The following NIPBL variants were observed in gnomAD, a reference collection of about 807,000 sequenced individuals.
NIPBL encodes the protein NIPBL cohesin loading factor.
Under a neutral mutation model 321.8 loss-of-function variants are expected in NIPBL, and 19 were observed. The ratio of observed to expected loss-of-function variants is 0.06; its 90% CI spans 0.04 to 0.09. The LOEUF (loss-of-function observed/expected upper bound fraction) is 0.09. NIPBL is among the 10% of genes least tolerant of loss of function. NIPBL has a pLI of 1.00. For missense variants in NIPBL, 2,210 were observed against 3,327.0 expected, an observed-to-expected ratio of 0.66 and a Z score of 8.26; for synonymous variants, 1,106 against 1,114.1, an observed-to-expected ratio of 0.99 and a Z score of 0.14.
At chr5:36,977,688 T>C (rs966957142) in intron 9 of NIPBL, among the ~76,000 whole-genome samples, 2 of 151,480 alleles carry the variant, frequency 1.3e-5, no homozygotes, top group African/African-American at 4.9e-5. Flanking sequence ...GATTTGGGCT[T>C]GTAGTGAACC....
chr5:37,024,163 T>C (rs536669597), intron 29 of NIPBL, among the ~76,000 whole-genome samples: 65 of 142,638 alleles, frequency 4.6e-4, no homozygotes, highest in African/African-American at 1.6e-3. Context: ...CAAAACTCCA[T>C]CCCAAAAAAA....
chr5:37,011,979 T>TAAGA (rs1748181224), intron 21 of NIPBL, among the ~76,000 whole-genome samples: 1 of 152,092 alleles, frequency 6.6e-6, no homozygotes, highest in African/African-American at 2.4e-5. Flanking sequence ...TTTCAGTTTA[T>TAAGA]AGCCCTACTT....
chr5:36,956,065 C>CAA (rs542704963), intron 3 of NIPBL, among the ~76,000 whole-genome samples: 25 of 105,016 alleles, frequency 2.4e-4, no homozygotes, highest in African/African-American at 7.1e-4. Flanking sequence ...ACTAAAAATA[C>CAA]AAAAAAAAAA....
intron 1 of NIPBL, among the ~76,000 whole-genome samples, chr5:36,918,884 C>G (rs1748693766): frequency 6.6e-6 from 1 of 152,158 alleles, no homozygotes; most frequent in South Asian, 2.1e-4. Context: ...CCCACTTGAT[C>G]ACGGTGGATA....
intron 1 of NIPBL, among the ~76,000 whole-genome samples, chr5:36,891,223 C>T (rs1746308195): frequency 6.6e-6 from 1 of 152,004 alleles, no homozygotes; most frequent in Non-Finnish European, 1.5e-5. Context: ...CAAGATAGCA[C>T]CACTGCACTC....
In NIPBL at chr5:37,058,920, A is replaced by G. The variant is rs1754376728; in HGVS notation, c.7440A>G (p.Arg2480=). The G allele has an allele frequency of 1.9e-6, 3 of 1,614,136 alleles. No individual in the cohort carries two copies. The highest frequency in any genetic ancestry group is 2.5e-6 in the Non-Finnish European group (3 of 1,180,022). The change falls in exon 44 of 47, where the codon AGA becomes AGG. Residue 2480 remains arginine, a synonymous_variant. Coordinates refer to ENST00000282516, the MANE Select transcript of NIPBL (RefSeq NM_133433.4). ...TGGTAAAGGACAAAAGGAAAGAGAG[A>G]AAATCATCACCTAGTAAGGAAAATG... is the stretch of plus-strand genomic sequence containing the variant. ...ESMVKDKRKE[R]KSSPSKENES...
chr5:36,948,778 G>GT (rs1268182833), intron 1 of NIPBL, among the ~76,000 whole-genome samples: 1 of 151,820 alleles, frequency 6.6e-6, no homozygotes, highest in Non-Finnish European at 1.5e-5. Context: ...CAAGAAGAAA[G>GT]TAAGAGTAAT....
intron 1 of NIPBL, among the ~76,000 whole-genome samples, chr5:36,880,215 A>G (rs756502654): frequency 6.6e-6 from 1 of 151,978 alleles, no homozygotes; most frequent in Non-Finnish European, 1.5e-5. Context: ...CTAATTTCAT[A>G]TTTAATTTTT....
intron 1 of NIPBL, among the ~76,000 whole-genome samples, chr5:36,916,035 T>C (rs1221563264): frequency 2.0e-5 from 3 of 152,236 alleles, no homozygotes; most frequent in Non-Finnish European, 4.4e-5. Flanking sequence ...ACAACATCAC[T>C]CATTGGAAAT....
At chr5:36,904,731 G>A (rs926562403) in intron 1 of NIPBL, among the ~76,000 whole-genome samples, 2 of 152,154 alleles carry the variant, frequency 1.3e-5, no homozygotes, top group African/African-American at 4.8e-5. Context: ...GTGAGCCATA[G>A]GTTGCCTATA....
At position 37,034,452 on chromosome 5, in the gene NIPBL, T is replaced by C. The variant is rs543909688; in HGVS notation, c.5863-1927T>C. ...CAGGAGGCATATACAAGAGTGCTTA[T>C]TGTACTAAAATTGGGATTAACCTAT... On this transcript the variant is annotated intron_variant, in intron 32 of 46. Transcript: ENST00000282516. Among the ~76,000 whole-genome samples, 18 of 152,294 alleles carry C rather than the reference T, an allele frequency of 1.2e-4. No individual in the cohort carries two copies. The East Asian group carries it at 3.5e-3, about 29-fold the overall frequency.
At chr5:36,983,460 G>T (rs1744376379) in intron 9 of NIPBL, among the ~76,000 whole-genome samples, 2 of 151,772 alleles carry the variant, frequency 1.3e-5, no homozygotes, top group Non-Finnish European at 3.0e-5. Flanking sequence ...TCACAACTTG[G>T]TTCTCTAACA....
Position 37,065,106 on chromosome 5 carries a change from C to T in NIPBL, c.*214C>T. On this transcript the variant is annotated 3_prime_UTR_variant, in exon 47 of 47. Coordinates refer to ENST00000282516, the MANE Select transcript of NIPBL (RefSeq NM_133433.4). The stretch of plus-strand genomic sequence containing the variant: ...CAGATTCTCAGTTCATTTTTACTCC[C>T]ACTGTATTATAGTTTAACAAAAATT... 5.0e-6 allele frequency: 3 copies of T among 603,440 alleles called. No homozygotes were observed. The South Asian group carries it at 6.0e-5, about 12-fold the overall frequency. The allele number at this position is 603,440 out of a possible 1,614,324, so 37.4% of individuals were successfully genotyped here.
At chr5:36,898,197 G>GAAAGTATGCTTCATATACTAT (rs1746921491) in intron 1 of NIPBL, among the ~76,000 whole-genome samples, 2 of 152,108 alleles carry the variant, frequency 1.3e-5, no homozygotes, top group Admixed American at 1.3e-4. Flanking sequence ...ATAAAGTGTT[G>GAAAGTATGCTTCATATACTAT]AAAGTATGCT....
At chr5:37,063,391 G>A (rs1410388581) in intron 45 of NIPBL, among the ~76,000 whole-genome samples, 4 of 152,120 alleles carry the variant, frequency 2.6e-5, no homozygotes, top group African/African-American at 9.7e-5. Flanking sequence ...AGCAAAGAGG[G>A]GAGATAACTA....
At chr5:36,891,394 A>C (rs1012656012) in intron 1 of NIPBL, among the ~76,000 whole-genome samples, 1 of 152,236 alleles carries the variant, frequency 6.6e-6, no homozygotes, top group Non-Finnish European at 1.5e-5. Flanking sequence ...AACAAGGTGC[A>C]GTTGGAGCAC....
intron 1 of NIPBL, among the ~76,000 whole-genome samples, chr5:36,937,718 C>G (rs1200552117): frequency 1.3e-5 from 2 of 152,148 alleles, no homozygotes; most frequent in East Asian, 3.8e-4. Flanking sequence ...TACTTCTGAA[C>G]AACTACTAAT....
chr5:36,952,053 T>TGTGTGTGTGTGTGTGTGTGTGTGC lies in NIPBL; in HGVS notation c.-79-1564_-79-1563insTGTGTGTGTGTGTGTGTGTGTGCG, dbSNP rs778597604. 1.8e-4 allele frequency among the ~76,000 whole-genome samples: 20 copies of TGTGTGTGTGTGTGTGTGTGTGTGC among 112,112 alleles called. 1 individual carries two copies. The highest frequency in any genetic ancestry group is 2.8e-4 in the Non-Finnish European group (15 of 53,692). 73.5% of individuals were successfully genotyped at this position (112,112 alleles called of 152,430 possible). ...GTGTGTGTGTGTGTGTGTGTGTGTG[T>TGTGTGTGTGTGTGTGTGTGTGTGC]GCGCGCGCGCGCGCGCGCGCATGTG... On this transcript the variant is annotated intron_variant, in intron 1 of 46. Transcript: ENST00000282516.
In NIPBL at chr5:37,007,353, C is replaced by A; in HGVS notation, c.4118C>A (p.Ala1373Asp). 6.2e-7 allele frequency: 1 copy of A among 1,612,108 alleles called. No individual in the cohort carries two copies. Among genetic ancestry groups the A allele is most frequent in the Non-Finnish European group, 8.5e-7 (1 of 1,178,704 alleles). Reference sequence around the variant, plus strand: ...TTATTAAGTTCAAAAGCAAAACGGGCTAAATGTTCTACCCATAAGCAGAGA... The same window carrying A: ...TTATTAAGTTCAAAAGCAAAACGGGATAAATGTTCTACCCATAAGCAGAGA... ...GGLLSSKAKRAKCSTHKQRVI... is the reference protein window; with the variant it reads ...GGLLSSKAKRDKCSTHKQRVI... Residue 1373 changes from alanine (A) to aspartate (D), a missense_variant, in exon 18 of 47, where the codon GCT (alanine) becomes GAT (aspartate). Ala to Asp is a moderately radical substitution (Grantham distance 126, BLOSUM62 -2). This residue lies in a region of NIPBL where 381 missense variants were observed against 642.3 expected (regional missense o/e 0.59). Transcript: ENST00000282516.
Sources: allele counts gnomAD v4.1 joint callset (sites outside exome capture counted in the v4.1 genomes callset), GRCh38; gene constraint gnomAD v4.1.1; regional missense constraint gnomAD v4.1.1; transcripts MANE v1.5; gene names NCBI Gene and HGNC (gene_info 2026-07-23, HGNC 2026-07-21).